UPRT: variants seen among roughly 807,000 people sequenced by gnomAD.
The protein encoded by UPRT is uracil phosphoribosyltransferase homolog, also known as RP11-311P8.3.
Under a neutral mutation model 22.6 loss-of-function variants are expected in UPRT, and 5 were observed. The observed-to-expected ratio is 0.22, with a 90% CI of 0.12 to 0.47. The LOEUF (loss-of-function observed/expected upper bound fraction) is 0.47, where lower values mean the gene tolerates loss of function less well. UPRT is among the 20% of genes least tolerant of loss of function. The pLI is 0.99. For missense variants in UPRT, 181 were observed against 239.9 expected, an observed-to-expected ratio of 0.75 and a Z score of 1.62; for synonymous variants, 77 against 87.7, an observed-to-expected ratio of 0.88 and a Z score of 0.68.
chrX:75,177,465 G>A (rs1358315806), intron 4 of UPRT, among the ~76,000 whole-genome samples: 1 of 110,431 alleles, frequency 9.1e-6, no homozygotes, highest in Non-Finnish European at 1.9e-5. Flanking sequence ...CGGATTTAGT[G>A]GCCCTTACCG....
intron 4 of UPRT, among the ~76,000 whole-genome samples, chrX:75,237,286 A>C (rs999810007): frequency 8.9e-6 from 1 of 111,954 alleles, no homozygotes; most frequent in African/African-American, 3.3e-5. Context: ...AATCATTAAA[A>C]AGTCAGGAAA....
chrX:75,168,654 C>G (rs757528961), intron 4 of UPRT, among the ~76,000 whole-genome samples: 9 of 111,095 alleles, frequency 8.1e-5, no homozygotes, highest in African/African-American at 2.9e-4. Flanking sequence ...CTCAGCCTCC[C>G]GAATAGCTGG....
At chrX:75,196,229 G>A (rs936096392) in intron 4 of UPRT, among the ~76,000 whole-genome samples, 3 of 111,996 alleles carry the variant, frequency 2.7e-5, no homozygotes, top group African/African-American at 6.5e-5. Flanking sequence ...GCAGTGGTGC[G>A]ATCATAGCTC....
intron 4 of UPRT, among the ~76,000 whole-genome samples, chrX:75,223,350 G>C (rs1009060320): frequency 3.6e-5 from 4 of 110,715 alleles, no homozygotes; most frequent in African/African-American, 9.9e-5. Flanking sequence ...TTCCCTGGTT[G>C]GTGTCACACT....
intron 1 of UPRT, among the ~76,000 whole-genome samples, chrX:75,285,842 A>G (rs1295330695): frequency 9.0e-6 from 1 of 111,179 alleles, no homozygotes; most frequent in African/African-American, 3.3e-5. Flanking sequence ...AAAAAATAGT[A>G]ACATAATATT....
At chrX:75,207,504 A>C (rs1415968113) in intron 4 of UPRT, among the ~76,000 whole-genome samples, 5 of 111,666 alleles carry the variant, frequency 4.5e-5, no homozygotes, top group Non-Finnish European at 9.4e-5. Context: ...AGGCAGGAGC[A>C]ATAGAGCTCA....
intron 5 of UPRT, 143 bp downstream of exon 5, chrX:75,300,039 A>T: frequency 3.0e-6 from 2 of 668,921 alleles, no homozygotes; most frequent in Non-Finnish European, 4.4e-6. Flanking sequence ...CAGGCAGTTC[A>T]CTGGAGAGTT....
intron 4 of UPRT, among the ~76,000 whole-genome samples, chrX:75,193,334 C>T (rs769983740): frequency 8.9e-6 from 1 of 112,270 alleles, no homozygotes; most frequent in African/African-American, 3.2e-5. Context: ...GATGGGTCTG[C>T]TGTTAGCCTG....
chrX:75,243,347 A>T (rs2082494251), intron 4 of UPRT, among the ~76,000 whole-genome samples: 1 of 111,244 alleles, frequency 9.0e-6, no homozygotes, highest in Non-Finnish European at 1.9e-5. Flanking sequence ...GGGAGTGTAT[A>T]AAGAAAACTG....
chrX:75,255,582 A>G (rs1482179659), intron 4 of UPRT, among the ~76,000 whole-genome samples: 2 of 111,950 alleles, frequency 1.8e-5, no homozygotes, highest in South Asian at 7.5e-4. Context: ...ATGGATAAGA[A>G]CTCACCAACC....
intron 4 of UPRT, among the ~76,000 whole-genome samples, chrX:75,202,208 G>A (rs2082349094): frequency 9.0e-6 from 1 of 111,167 alleles, no homozygotes. Flanking sequence ...TAAGTGAAAT[G>A]AATGACAGCA....
At chrX:75,249,413 G>A (rs188414229) in intron 4 of UPRT, among the ~76,000 whole-genome samples, 1 of 111,582 alleles carries the variant, frequency 9.0e-6, no homozygotes, top group East Asian at 2.8e-4. Flanking sequence ...TGCAATCCTA[G>A]TCTCTGATAA....
At chrX:75,215,828 T>C (rs774897384) in intron 4 of UPRT, among the ~76,000 whole-genome samples, 38 of 111,077 alleles carry the variant, frequency 3.4e-4, no homozygotes, top group Non-Finnish European at 6.2e-4. Flanking sequence ...GAAATAAAAG[T>C]TGAAATTTAA....
At chrX:75,201,074 C>T (rs183250185) in intron 4 of UPRT, among the ~76,000 whole-genome samples, 1 of 112,514 alleles carries the variant, frequency 8.9e-6, no homozygotes, top group Non-Finnish European at 1.9e-5. Flanking sequence ...TCCACTTATC[C>T]TAAATTCCTG....
intron 4 of UPRT, among the ~76,000 whole-genome samples, chrX:75,248,687 C>G (rs2082516335): frequency 9.0e-6 from 1 of 111,589 alleles, no homozygotes; most frequent in Non-Finnish European, 1.9e-5. Context: ...GGCCAACATT[C>G]AAATTCAGGA....
At chrX:75,200,920 C>T (rs969849471) in intron 4 of UPRT, among the ~76,000 whole-genome samples, 1 of 111,841 alleles carries the variant, frequency 8.9e-6, no homozygotes, top group African/African-American at 3.3e-5. Flanking sequence ...GCACTCCAGC[C>T]TGGGTGAAAT....
At position 75,297,534 on chromosome X, in the gene UPRT, G is replaced by T. The variant is rs2082729872; in HGVS notation, c.543G>T (p.Gly181=). The change falls in exon 4 of 7, where the codon GGG becomes GGT. Residue 181 remains glycine (G), a synonymous_variant. Coordinates refer to ENST00000373383, the MANE Select transcript of UPRT (RefSeq NM_145052.4). ...TGAAATTTGAGAAGGGAAATTGTGG[G>T]GTCAGCATAATGAGAAGCGGTAGGT... ...EGVKFEKGNC[G]VSIMRSGEAM... is the part of the protein sequence containing the mutation. 1.7e-6 allele frequency: 2 copies of T among 1,211,568 alleles called. No individual in the cohort carries two copies. The highest frequency in any genetic ancestry group is 2.2e-6 in the Non-Finnish European group (2 of 895,315).
intron 4 of UPRT, among the ~76,000 whole-genome samples, chrX:75,186,286 A>C (rs1349188817): frequency 8.9e-6 from 1 of 111,778 alleles, no homozygotes; most frequent in Non-Finnish European, 1.9e-5. Context: ...TGTACCCAGT[A>C]GTCATTCAGG....
At chrX:75,180,697 T>TTTTTTTTTTTTTTTTTTTTTTG (rs2082267299) in intron 4 of UPRT, among the ~76,000 whole-genome samples, 1 of 14,957 alleles carries the variant, frequency 6.7e-5, no homozygotes, top group Non-Finnish European at 3.1e-4. Flanking sequence ...TTTTTTTTGT[T>TTTTTTTTTTTTTTTTTTTTTTG]TTTTTTTTTT....
Sources: allele counts gnomAD v4.1 joint callset (sites outside exome capture counted in the v4.1 genomes callset), GRCh38; gene constraint gnomAD v4.1.1; transcripts MANE v1.5; gene names NCBI Gene and HGNC (gene_info 2026-07-23, HGNC 2026-07-21).